Variants in TMEM243 observed in about 807,000 individuals in gnomAD.
TMEM243 encodes MDR1 and mitochondrial taxol resistance associated.
TMEM243 carries 20 observed loss-of-function variants against 15.0 expected under a neutral mutation model. The ratio of observed to expected loss-of-function variants is 1.33; its 90% CI spans 0.94 to 1.93. The LOEUF is 1.93. Among genes scored for constraint, TMEM243 ranks in the 30% most tolerant of loss-of-function variants. The pLI is 0.00. For missense variants in TMEM243, 156 were observed against 142.1 expected, an observed-to-expected ratio of 1.10 and a Z score of -0.50; for synonymous variants, 72 against 52.7, an observed-to-expected ratio of 1.37 and a Z score of -1.59.
chr7:87,203,273 C>T (rs950085482), intron 1 of TMEM243, among the ~76,000 whole-genome samples: 18 of 151,844 alleles, frequency 1.2e-4, no homozygotes, highest in Admixed American at 5.9e-4. Context: ...GACAAAATTT[C>T]GAAAAGGCTT....
At chr7:87,198,430 G>A (rs903513618) in intron 2 of TMEM243, 1 of 181,170 alleles carries the variant, frequency 5.5e-6, no homozygotes, top group African/African-American at 2.4e-5. Flanking sequence ...GAAACACACT[G>A]AAAGACTTCT....
chr7:87,196,708 A>C lies in TMEM243; in HGVS notation c.285T>G (p.Ile95Met). Residue 95 changes from isoleucine (I) to methionine (M), a missense_variant, in exon 4 of 4, where the codon ATT becomes ATG. Physicochemically the swap from Ile to Met is conservative, Grantham distance 10. Coordinates refer to ENST00000257637, the MANE Select transcript of TMEM243 (RefSeq NM_024315.4). ...TGATGATAGAAAATATGATATAGTA[A>C]ATTAGCTTTCTAAATTTCGGTTCTA... is the stretch of plus-strand genomic sequence containing the variant. ...GDLEPKFRKLIYYIIFSIIML... is the reference protein window; with the variant it reads ...GDLEPKFRKLMYYIIFSIIML... 5 of 1,608,572 alleles carry C rather than the reference A, an allele frequency of 3.1e-6. No homozygotes were observed. Among genetic ancestry groups the C allele is most frequent in the Non-Finnish European group, 4.2e-6 (5 of 1,176,818 alleles).
At chr7:87,215,187 TAG>T (rs954938448) in intron 1 of TMEM243, among the ~76,000 whole-genome samples, 1 of 152,208 alleles carries the variant, frequency 6.6e-6, no homozygotes, top group Admixed American at 6.5e-5. Context: ...CTGTTTGAGA[TAG>T]AGTCTTGTTC....
At chr7:87,199,190 C>T (rs1801605757) in intron 1 of TMEM243, 133 bp from the exon 2 acceptor site, 1 of 663,348 alleles carries the variant, frequency 1.5e-6, no homozygotes, top group Non-Finnish European at 2.5e-6. Flanking sequence ...ACACATAAAA[C>T]TACCAGACAA....
Position 87,197,710 on chromosome 7 carries a change from TTTTTTTA to T in TMEM243, c.234+224_234+230del, listed in dbSNP as rs932662113. On this transcript the variant is annotated intron_variant, in intron 3 of 3. Transcript: ENST00000257637. Reference sequence around the variant, plus strand: ...CTAATTTTTTTTTTTTTTTTTTTTTTTTTTTTAAGCTATCAAGGGAGTGGAATTTCTC... The same window carrying T: ...CTAATTTTTTTTTTTTTTTTTTTTTTAGCTATCAAGGGAGTGGAATTTCTC... 5,257 of 1,058,092 alleles carry T rather than the reference TTTTTTTA, an allele frequency of 5.0e-3. 209 individuals are homozygous for T. The highest frequency in any genetic ancestry group is 7.5e-3 in the Middle Eastern group (21 of 2,784). The allele number at this position is 1,058,092 out of a possible 1,614,324, so 65.5% of individuals were successfully genotyped here.
chr7:87,201,578 T>C (rs888248522), intron 1 of TMEM243, among the ~76,000 whole-genome samples: 1 of 152,176 alleles, frequency 6.6e-6, no homozygotes, highest in Non-Finnish European at 1.5e-5. Flanking sequence ...AAGAGGATAA[T>C]AGAGAATAAT....
intron 3 of TMEM243, among the ~76,000 whole-genome samples, chr7:87,196,982 C>T (rs73208515): frequency 0.037 from 5,596 of 152,034 alleles, 127 homozygotes; most frequent in East Asian, 0.065. Flanking sequence ...TTACTTTCCT[C>T]TATATTCACA....
intron 1 of TMEM243, among the ~76,000 whole-genome samples, chr7:87,211,576 T>C (rs887391280): frequency 2.0e-5 from 3 of 152,164 alleles, no homozygotes; most frequent in Non-Finnish European, 4.4e-5. Flanking sequence ...CTTCTCACCA[T>C]GAAAGCTGTG....
intron 1 of TMEM243, among the ~76,000 whole-genome samples, chr7:87,209,921 G>C (rs1411917438): frequency 7.4e-6 from 1 of 134,328 alleles, no homozygotes; most frequent in East Asian, 2.4e-4. Flanking sequence ...AGAGAGAGAG[G>C]ACAGTGAGAG....
At chr7:87,202,057 G>GTA (rs905812886) in intron 1 of TMEM243, among the ~76,000 whole-genome samples, 23 of 152,208 alleles carry the variant, frequency 1.5e-4, no homozygotes, top group Admixed American at 1.2e-3. Flanking sequence ...ATACATACAT[G>GTA]TATATATATA....
intron 1 of TMEM243, among the ~76,000 whole-genome samples, chr7:87,218,006 G>A (rs1803231225): frequency 6.6e-6 from 1 of 152,254 alleles, no homozygotes; most frequent in Admixed American, 6.5e-5. Flanking sequence ...CCCAATCTAT[G>A]TGCTGAAGCA....
At chr7:87,204,708 T>G (rs1235156786) in intron 1 of TMEM243, among the ~76,000 whole-genome samples, 2 of 152,168 alleles carry the variant, frequency 1.3e-5, no homozygotes, top group African/African-American at 4.8e-5. Context: ...GGGTACAGCC[T>G]CCCTCCCAGC....
At chr7:87,213,634 G>A (rs569873976) in intron 1 of TMEM243, among the ~76,000 whole-genome samples, 14 of 152,198 alleles carry the variant, frequency 9.2e-5, no homozygotes, top group African/African-American at 3.1e-4. Context: ...ACTGATCCTT[G>A]TTCTTAAATA....
intron 3 of TMEM243, 149 bp from the exon 4 acceptor site, chr7:87,196,907 G>C: frequency 1.7e-6 from 1 of 586,288 alleles, no homozygotes; most frequent in Non-Finnish European, 2.9e-6. Flanking sequence ...GATCAGTACA[G>C]CCAGAATTTA....
intron 1 of TMEM243, among the ~76,000 whole-genome samples, chr7:87,203,832 A>ACAAT (rs1156914860): frequency 2.6e-5 from 4 of 152,174 alleles, no homozygotes; most frequent in Non-Finnish European, 5.9e-5. Flanking sequence ...TAATTCATAC[A>ACAAT]CAATCATTTC....
chr7:87,211,917 A>G lies in TMEM243; in HGVS notation c.78+7509T>C, dbSNP rs1802780475. On this transcript the variant is annotated intron_variant, in intron 1 of 3. Coordinates refer to ENST00000257637, the MANE Select transcript of TMEM243 (RefSeq NM_024315.4). ...CCCAAAGCAACACCAGACTTTGAACAGTGCCGAGAGCACGGGATGTGCAAG... is the reference window on the plus strand; with the variant it reads ...CCCAAAGCAACACCAGACTTTGAACGGTGCCGAGAGCACGGGATGTGCAAG... Among the ~76,000 whole-genome samples, 6 of 152,264 alleles carry G rather than the reference A, an allele frequency of 3.9e-5. 1 individual carries two copies. Among genetic ancestry groups the G allele is most frequent in the Admixed American group, 3.9e-4 (6 of 15,290 alleles).
Position 87,216,944 on chromosome 7 carries a change from T to C in TMEM243, c.78+2482A>G, listed in dbSNP as rs79154863. On this transcript the variant is annotated intron_variant, in intron 1 of 3. Transcript: ENST00000257637. ...ACTGTCTCTGAGGGTTCCACTTCCT[T>C]AGTTGTATAACAGAAATAAGAACAC... 23 of 152,324 alleles carry C rather than the reference T, an allele frequency of 1.5e-4. No individual in the cohort carries two copies. In the East Asian group the frequency reaches 4.0e-3, roughly 27 times the overall value. 9.4% of individuals were successfully genotyped at this position (152,324 alleles called of 1,614,324 possible). A position where few individuals can be genotyped will look rare whatever the true frequency, so the allele number is the denominator to read the frequency against.
intron 3 of TMEM243, among the ~76,000 whole-genome samples, chr7:87,197,172 G>A (rs1270969640): frequency 6.6e-6 from 1 of 152,070 alleles, no homozygotes; most frequent in Admixed American, 6.6e-5. Context: ...GTCACTTTAG[G>A]CTTCAAGCTA....
rs1803348814 is a variant in TMEM243 at position 87,219,500 on chromosome 7, C to T, written c.4G>A (p.Glu2Lys). 1.9e-6 allele frequency: 3 copies of T among 1,614,080 alleles called. No individual in the cohort carries two copies. Among genetic ancestry groups the T allele is most frequent in the Non-Finnish European group, 2.5e-6 (3 of 1,180,036 alleles). Residue 2 changes from glutamate to lysine, a missense_variant, in exon 1 of 4, where the codon GAG (glutamate) becomes AAG (lysine). Coordinates refer to ENST00000257637, the MANE Select transcript of TMEM243 (RefSeq NM_024315.4). M[E>K]DFATRTYGTS... ...CCGTAGGTCCTGGTAGCAAAGTCCT[C>T]CATTTTGGGGTTTCTTCACTTTCCC...
Sources: allele counts gnomAD v4.1 joint callset (sites outside exome capture counted in the v4.1 genomes callset), GRCh38; gene constraint gnomAD v4.1.1; transcripts MANE v1.5; gene names NCBI Gene and HGNC (gene_info 2026-07-23, HGNC 2026-07-21).